The following ERC2 variants were observed in gnomAD, a reference collection of about 807,000 sequenced individuals.
ERC2 encodes the protein ERC protein 2.
In ERC2, 42 loss-of-function variants were observed where a neutral mutation model predicts 114.8. The ratio of observed to expected loss-of-function variants is 0.37; its 90% CI spans 0.29 to 0.47. The LOEUF (loss-of-function observed/expected upper bound fraction) is 0.47. Ranked by LOEUF, ERC2 falls within the 20% of genes least tolerant of loss-of-function variation. The pLI, the probability that ERC2 is intolerant of heterozygous loss-of-function variation, is 0.99. For synonymous variants in ERC2, 454 were observed against 425.5 expected (o/e 1.07, Z -0.82); for missense variants, 939 against 1,150.7 (o/e 0.82, Z 2.66).
intron 3 of ERC2, among the ~76,000 whole-genome samples, chr3:56,215,711 C>T (rs574153041): frequency 7.2e-5 from 11 of 152,300 alleles, no homozygotes; most frequent in East Asian, 3.9e-4. Context: ...CACCACACTG[C>T]GCTTATTCCA....
At chr3:56,195,654 C>A (rs573742683) in intron 3 of ERC2, among the ~76,000 whole-genome samples, 2 of 151,742 alleles carry the variant, frequency 1.3e-5, no homozygotes, top group Non-Finnish European at 2.9e-5. Flanking sequence ...ACATAGGAAA[C>A]CTTGTCTCTA....
chr3:56,263,987 G>A (rs550680932), intron 3 of ERC2, among the ~76,000 whole-genome samples: 1 of 152,134 alleles, frequency 6.6e-6, no homozygotes, highest in Non-Finnish European at 1.5e-5. Context: ...GGGATGCAAG[G>A]TTGATTTAAC....
At position 55,932,301 on chromosome 3, in the gene ERC2, A is replaced by C. The variant is rs1350449112; in HGVS notation, c.2403+18124T>G. On this transcript the variant is annotated intron_variant, in intron 13 of 17. Transcript: ENST00000288221. ...TTTTAAAGAATTTCTATGTACCGAG[A>C]AGAACTTTAAAGCAGATGAAGGCAA... Among the ~76,000 whole-genome samples the C allele has an allele frequency of 4.6e-5, 7 of 152,312 alleles. No homozygotes were observed. The East Asian group carries it at 1.3e-3, about 29-fold the overall frequency.
At chr3:56,013,510 G>A (rs1184212010) in intron 8 of ERC2, among the ~76,000 whole-genome samples, 1 of 152,164 alleles carries the variant, frequency 6.6e-6, no homozygotes, top group Non-Finnish European at 1.5e-5. Context: ...TAGTCCAGAG[G>A]AGGCAGCAAA....
At chr3:55,821,586 G>A (rs2060126295) in intron 14 of ERC2, among the ~76,000 whole-genome samples, 1 of 152,208 alleles carries the variant, frequency 6.6e-6, no homozygotes, top group South Asian at 2.1e-4. Context: ...AAACTTGAGA[G>A]AACACCAGGA....
At chr3:56,048,643 A>G (rs1016109408) in intron 7 of ERC2, among the ~76,000 whole-genome samples, 1 of 152,130 alleles carries the variant, frequency 6.6e-6, no homozygotes. Flanking sequence ...TTCCTTCTCA[A>G]TATGCCTGGT....
intron 3 of ERC2, among the ~76,000 whole-genome samples, chr3:56,295,285 C>G (rs1254865372): frequency 6.6e-6 from 1 of 152,198 alleles, no homozygotes; most frequent in East Asian, 1.9e-4. Flanking sequence ...TCCATATCCA[C>G]CACAGTGGCA....
intron 2 of ERC2, among the ~76,000 whole-genome samples, chr3:56,431,709 AT>A (rs1264515481): frequency 6.6e-6 from 1 of 152,274 alleles, no homozygotes; most frequent in East Asian, 1.9e-4. Flanking sequence ...CAATCTTTAT[AT>A]TTTTTACTTT....
intron 2 of ERC2, among the ~76,000 whole-genome samples, chr3:56,396,015 T>G (rs1450003557): frequency 6.6e-6 from 1 of 152,168 alleles, no homozygotes; most frequent in African/African-American, 2.4e-5. Context: ...AAAATGAAAT[T>G]CAATCTTTTT....
Position 56,323,299 on chromosome 3 carries a change from G to A in ERC2, c.658-26864C>T, listed in dbSNP as rs147778557. Among the ~76,000 whole-genome samples, 188 of 152,282 alleles carry A rather than the reference G, an allele frequency of 1.2e-3. 1 individual carries two copies. The highest frequency in any genetic ancestry group is 4.1e-3 in the African/African-American group (171 of 41,564). ...GGCCAAAGGAAAAACCACCCAAAACGATAGAGGAAATAATGCTTGGAGCTC... is the reference window on the plus strand; with the variant it reads ...GGCCAAAGGAAAAACCACCCAAAACAATAGAGGAAATAATGCTTGGAGCTC... On this transcript the variant is annotated intron_variant, in intron 2 of 17. Coordinates refer to ENST00000288221, the MANE Select transcript of ERC2 (RefSeq NM_015576.3).
At chr3:55,752,759 T>A (rs901328227) in intron 14 of ERC2, among the ~76,000 whole-genome samples, 2 of 72,706 alleles carry the variant, frequency 2.8e-5, no homozygotes, top group Non-Finnish European at 5.0e-5. Flanking sequence ...AAAGTAGAGA[T>A]TCGAACCCGG....
chr3:55,574,375 C>T (rs2056871116), intron 17 of ERC2, among the ~76,000 whole-genome samples: 1 of 152,146 alleles, frequency 6.6e-6, no homozygotes, highest in Non-Finnish European at 1.5e-5. Context: ...AAACTTTTAT[C>T]TCCCAAGTCA....
chr3:55,921,470 G>T (rs937090920), intron 13 of ERC2, among the ~76,000 whole-genome samples: 14 of 152,026 alleles, frequency 9.2e-5, no homozygotes, highest in African/African-American at 3.4e-4. Context: ...TTTGGAGATT[G>T]CTTCTCTACT....
rs1191228520 is a variant in ERC2, at chr3:56,107,774, T to C, written c.1474-26790A>G. ...CAAAGTAAGGGAAAAATGTGAGACATGACCCCATCCAAAGTAGAAAGCCTA... is the reference window on the plus strand; with the variant it reads ...CAAAGTAAGGGAAAAATGTGAGACACGACCCCATCCAAAGTAGAAAGCCTA... On this transcript the variant is annotated intron_variant, in intron 6 of 17. Transcript: ENST00000288221. Among the ~76,000 whole-genome samples the C allele has an allele frequency of 5.9e-5, 9 of 152,326 alleles. No homozygotes were observed. In the South Asian group the frequency reaches 1.4e-3, roughly 25 times the overall value.
At chr3:55,836,288 A>G (rs1165961293) in intron 14 of ERC2, among the ~76,000 whole-genome samples, 1 of 152,212 alleles carries the variant, frequency 6.6e-6, no homozygotes, top group Non-Finnish European at 1.5e-5. Flanking sequence ...AACAGCCCGC[A>G]TTGCCAAGTC....
At chr3:56,112,242 A>G (rs1400953635) in intron 6 of ERC2, among the ~76,000 whole-genome samples, 1 of 152,228 alleles carries the variant, frequency 6.6e-6, no homozygotes, top group Non-Finnish European at 1.5e-5. Flanking sequence ...GATTTAACAG[A>G]GTGACTGCAT....
At chr3:55,809,200 T>C (rs1281047225) in intron 14 of ERC2, among the ~76,000 whole-genome samples, 3 of 152,218 alleles carry the variant, frequency 2.0e-5, no homozygotes, top group Non-Finnish European at 2.9e-5. Flanking sequence ...TGATATATAA[T>C]ATATGTACAG....
chr3:55,730,179 A>C (rs2065169513), intron 15 of ERC2, among the ~76,000 whole-genome samples: 1 of 151,966 alleles, frequency 6.6e-6, no homozygotes, highest in African/African-American at 2.4e-5. Flanking sequence ...AGGTCTTAGC[A>C]CTCCTGCAGC....
At chr3:56,006,540 A>G (rs898245938) in intron 10 of ERC2, among the ~76,000 whole-genome samples, 2 of 152,102 alleles carry the variant, frequency 1.3e-5, no homozygotes, top group Non-Finnish European at 2.9e-5. Context: ...AAAAAGTCAA[A>G]GTAACAATGC....
Sources: gnomAD v4.1 joint callset for allele counts (sites outside exome capture counted in the v4.1 genomes callset) on GRCh38, gnomAD v4.1.1 for gene constraint, MANE v1.5 for transcripts, NCBI Gene and HGNC (gene_info 2026-07-23, HGNC 2026-07-21) for gene names.